The following NDUFS4 variants were observed in gnomAD, a reference collection of about 807,000 sequenced individuals.
NDUFS4 encodes NADH dehydrogenase [ubiquinone] iron-sulfur protein 4, mitochondrial.
NDUFS4 carries 28 observed loss-of-function variants against 24.3 expected under a neutral mutation model. The observed-to-expected ratio is 1.15, with a 90% confidence interval of 0.85 to 1.58. NDUFS4 has a LOEUF of 1.58. Among genes scored for constraint, NDUFS4 ranks in the 40% most tolerant of loss-of-function variants. The probability of loss-of-function intolerance (pLI) is 0.00; values close to 1 mark genes in which losing one functional copy is unlikely to be tolerated. For missense variants in NDUFS4, 223 were observed against 207.9 expected, an observed-to-expected ratio of 1.07 and a Z score of -0.45; for synonymous variants, 93 against 69.7, an observed-to-expected ratio of 1.34 and a Z score of -1.67.
At chr5:53,610,883 C>G (rs182717450) in intron 2 of NDUFS4, among the ~76,000 whole-genome samples, 33 of 152,120 alleles carry the variant, frequency 2.2e-4, no homozygotes, top group African/African-American at 7.7e-4. Context: ...GCCTTTATTC[C>G]TTTTAATCAT....
intron 1 of NDUFS4, among the ~76,000 whole-genome samples, chr5:53,565,404 G>A (rs776878004): frequency 6.6e-6 from 1 of 152,158 alleles, no homozygotes; most frequent in Non-Finnish European, 1.5e-5. Context: ...CAGTGAGGTC[G>A]CAAGCTTTTT....
chr5:53,665,822 C>T (rs911425628), intron 4 of NDUFS4, among the ~76,000 whole-genome samples: 1 of 152,216 alleles, frequency 6.6e-6, no homozygotes, highest in Non-Finnish European at 1.5e-5. Context: ...CGGTGTGCTC[C>T]ACCCACTGTC....
At chr5:53,662,587 T>C (rs1266330673) in intron 4 of NDUFS4, among the ~76,000 whole-genome samples, 1 of 152,170 alleles carries the variant, frequency 6.6e-6, no homozygotes, top group Non-Finnish European at 1.5e-5. Flanking sequence ...CTCCTCCTTG[T>C]ACCTCTGGTA....
intron 4 of NDUFS4, among the ~76,000 whole-genome samples, chr5:53,677,178 G>A (rs1740502987): frequency 6.6e-6 from 1 of 152,150 alleles, no homozygotes; most frequent in Non-Finnish European, 1.5e-5. Context: ...ATGCTGAATA[G>A]TTCCAACTAC....
chr5:53,622,133 T>C (rs1751060355), intron 2 of NDUFS4, among the ~76,000 whole-genome samples: 1 of 152,230 alleles, frequency 6.6e-6, no homozygotes, highest in African/African-American at 2.4e-5. Context: ...AGATAAAGTT[T>C]CCATCTGGTA....
At chr5:53,675,454 G>A (rs368426223) in intron 4 of NDUFS4, among the ~76,000 whole-genome samples, 9 of 152,106 alleles carry the variant, frequency 5.9e-5, no homozygotes, top group African/African-American at 1.2e-4. Context: ...GAGCCACCAC[G>A]CCAGGCCCAG....
At chr5:53,625,360 A>G (rs2112482732) in intron 2 of NDUFS4, among the ~76,000 whole-genome samples, 1 of 152,146 alleles carries the variant, frequency 6.6e-6, no homozygotes, top group South Asian at 2.1e-4. Flanking sequence ...CTTTACATGT[A>G]TCTTGGTTAG....
chr5:53,560,650 T>G lies in NDUFS4; in HGVS notation c.-13T>G. 1 of 1,614,278 alleles carries G rather than the reference T, an allele frequency of 6.2e-7. No individual in the cohort carries two copies. The highest frequency in any genetic ancestry group is 8.5e-7 in the Non-Finnish European group (1 of 1,180,052). ...TGATCCGTCCTTTCATCCTGGCGTT[T>G]GCCTGCAGCAAGATGGCGGCGGTGT... On this transcript the variant is annotated 5_prime_UTR_variant, in exon 1 of 5. Transcript: ENST00000296684.
chr5:53,629,006 G>T (rs940204256), intron 2 of NDUFS4, among the ~76,000 whole-genome samples: 1 of 151,962 alleles, frequency 6.6e-6, no homozygotes, highest in Admixed American at 6.6e-5. Context: ...GCTTTCTCTT[G>T]TGGGCATTTA....
chr5:53,566,567 T>C (rs916680031), intron 1 of NDUFS4, among the ~76,000 whole-genome samples: 2 of 152,150 alleles, frequency 1.3e-5, no homozygotes, highest in African/African-American at 4.8e-5. Context: ...CCAGGAAATG[T>C]AATTGTCTCT....
intron 4 of NDUFS4, among the ~76,000 whole-genome samples, chr5:53,669,099 C>T (rs1328837096): frequency 6.6e-6 from 1 of 152,104 alleles, no homozygotes; most frequent in African/African-American, 2.4e-5. Context: ...CTATATGGCC[C>T]CAGAGCCTAA....
At chr5:53,658,511 G>T (rs756310355) in intron 3 of NDUFS4, 40 bp from the exon 4 acceptor site, 3 of 1,399,852 alleles carry the variant, frequency 2.1e-6, no homozygotes, top group African/African-American at 2.8e-5. Flanking sequence ...CTCAGCTAAA[G>T]CTTAATGTTA....
At chr5:53,572,964 TTTTTTG>T (rs1716878165) in intron 1 of NDUFS4, among the ~76,000 whole-genome samples, 1 of 94,698 alleles carries the variant, frequency 1.1e-5, no homozygotes, top group Non-Finnish European at 2.0e-5. Context: ...TTTGTTTTTT[TTTTTTG>T]TTTTTTTTTT....
chr5:53,617,886 G>A (rs956328010), intron 2 of NDUFS4, among the ~76,000 whole-genome samples: 1 of 152,146 alleles, frequency 6.6e-6, no homozygotes, highest in Non-Finnish European at 1.5e-5. Context: ...TGTATAACCT[G>A]AAGCAAGTTA....
chr5:53,582,566 C>T (rs1475336385), intron 1 of NDUFS4, among the ~76,000 whole-genome samples: 1 of 152,238 alleles, frequency 6.6e-6, no homozygotes, highest in African/African-American at 2.4e-5. Context: ...AAACTCCACA[C>T]AGATAGTATC....
At chr5:53,594,870 G>A (rs1232375962) in intron 1 of NDUFS4, among the ~76,000 whole-genome samples, 1 of 122,672 alleles carries the variant, frequency 8.2e-6, no homozygotes, top group Non-Finnish European at 1.6e-5. Flanking sequence ...GTATGTCTGT[G>A]TTTGTGTGTG....
intron 2 of NDUFS4, among the ~76,000 whole-genome samples, chr5:53,622,616 T>C (rs956172381): frequency 2.6e-5 from 4 of 152,194 alleles, no homozygotes; most frequent in African/African-American, 9.7e-5. Context: ...TATACAAATT[T>C]TGGGAGAATA....
At chr5:53,607,807 A>G (rs1420891532) in intron 2 of NDUFS4, among the ~76,000 whole-genome samples, 1 of 152,204 alleles carries the variant, frequency 6.6e-6, no homozygotes, top group Non-Finnish European at 1.5e-5. Context: ...AACAGTTTGA[A>G]TGCAAGAACA....
chr5:53,624,631 T>C (rs368745954), intron 2 of NDUFS4, among the ~76,000 whole-genome samples: 1 of 152,346 alleles, frequency 6.6e-6, no homozygotes, highest in South Asian at 2.1e-4. Context: ...CTTTTTAGAT[T>C]GTTCATTGTG....
Sources: gnomAD v4.1 joint callset for allele counts (sites outside exome capture counted in the v4.1 genomes callset) on GRCh38, gnomAD v4.1.1 for gene constraint, MANE v1.5 for transcripts, NCBI Gene and HGNC (gene_info 2026-07-23, HGNC 2026-07-21) for gene names.